FAHD1: variants seen among roughly 807,000 people sequenced by gnomAD.
The protein encoded by FAHD1 is FAH domain containing oxaloacetate decarboxylase 1.
In FAHD1, 14 loss-of-function variants were observed where a neutral mutation model predicts 12.7. The ratio of observed to expected loss-of-function variants is 1.10; its 90% CI spans 0.73 to 1.72. The LOEUF (loss-of-function observed/expected upper bound fraction) is 1.72, where lower values mean the gene tolerates loss of function less well. Among genes scored for constraint, FAHD1 ranks in the 40% most tolerant of loss-of-function variants. FAHD1 has a pLI of 0.00. For missense variants in FAHD1, 351 were observed against 298.9 expected, an observed-to-expected ratio of 1.17 and a Z score of -1.29; for synonymous variants, 153 against 124.9, an observed-to-expected ratio of 1.22 and a Z score of -1.50.
exon 3 of FAHD1, chr16:1,839,885 C>G (rs1898854988): frequency 1.3e-5 from 2 of 154,448 alleles, no homozygotes; most frequent in African/African-American, 4.8e-5. Flanking sequence ...CTGGAAAGCA[C>G]GAGTTCAACA....
At chr16:1,832,628 T>C (rs922762988), downstream of FAHD1, among the ~76,000 whole-genome samples, 2 of 152,038 alleles carry the variant, frequency 1.3e-5, no homozygotes. Flanking sequence ...CTCTACAAAA[T>C]GTTTTAAAAT....
rs532707731 is a variant in FAHD1, at chr16:1,836,605, T to C, written c.628-1411T>C. The stretch of plus-strand genomic sequence containing the variant: ...GCCTCAAGCCGAGGTCCTAGAAATA[T>C]TGCTAAGGCCACTGGAGACTCCATG... On this transcript the variant is annotated intron_variant, in intron 1 of 2. Transcript: ENST00000382666. Among the ~76,000 whole-genome samples, 12 of 150,414 alleles carry C rather than the reference T, an allele frequency of 8.0e-5. No individual in the cohort carries two copies. The East Asian group carries it at 1.5e-3, about 19-fold the overall frequency.
intron 1 of FAHD1, chr16:1,834,516 G>A: frequency 1.9e-6 from 1 of 530,366 alleles, no homozygotes; most frequent in East Asian, 3.2e-5. Context: ...GCTGTAAGAT[G>A]ATGGGAAGAG....
At chr16:1,830,913 T>TACACACACACA (rs1567269113), downstream of FAHD1, among the ~76,000 whole-genome samples, 5 of 50,596 alleles carry the variant, frequency 9.9e-5, no homozygotes, top group South Asian at 7.3e-4. Flanking sequence ...CCTCTCTCTC[T>TACACACACACA]CTATACACAC....
At chr16:1,833,559 T>C (rs1596957392), downstream of FAHD1, among the ~76,000 whole-genome samples, 1 of 138,134 alleles carries the variant, frequency 7.2e-6, no homozygotes, top group Non-Finnish European at 1.6e-5. Context: ...AGGTACTTTT[T>C]TTTTTTTTTT....
At chr16:1,830,915 T>TCTACACACACACACACACACACACACAC (rs1326026830), downstream of FAHD1, among the ~76,000 whole-genome samples, 11 of 37,566 alleles carry the variant, frequency 2.9e-4, no homozygotes, top group African/African-American at 1.1e-3. Context: ...TCTCTCTCTC[T>TCTACACACACACACACACACACACACAC]ATACACACAC....
At chr16:1,838,679 C>T (rs1337801654) in intron 2 of FAHD1, among the ~76,000 whole-genome samples, 1 of 151,936 alleles carries the variant, frequency 6.6e-6, no homozygotes, top group Non-Finnish European at 1.5e-5. Flanking sequence ...CATCATGTTT[C>T]CTTAGTGTTT....
chr16:1,827,528 G>C lies in FAHD1; in HGVS notation c.290G>C (p.Cys97Ser), dbSNP rs369492494. 33 of 1,613,204 alleles carry C rather than the reference G, an allele frequency of 2.0e-5. 1 individual carries two copies. Among genetic ancestry groups the C allele is most frequent in the East Asian group, 4.5e-5 (2 of 44,880 alleles). ...GACTACGTGGGCGGCTATGCCCTGT[G>C]CCTGGATATGACCGCCCGGGACGTG... Residue 97 changes from cysteine (C) to serine (S), a missense_variant, in exon 1 of 1, where the codon TGC becomes TCC. Physicochemically the swap from Cys to Ser is moderately radical, Grantham distance 112. Coordinates refer to ENST00000427358, the Ensembl canonical transcript of FAHD1.
exon 1 of FAHD1, chr16:1,828,336 C>T: frequency 2.1e-6 from 2 of 965,304 alleles, no homozygotes; most frequent in Non-Finnish European, 2.5e-6. Context: ...TATGCCTCAA[C>T]TCATAGAAGA....
chr16:1,833,144 C>G (rs71385719), downstream of FAHD1, among the ~76,000 whole-genome samples: 687 of 152,278 alleles, frequency 4.5e-3, 2 homozygotes, highest in Non-Finnish European at 8.5e-3. Flanking sequence ...GAGTCTGCGC[C>G]CTGAAGCAAG....
intron 2 of FAHD1, chr16:1,839,152 G>C: frequency 7.4e-7 from 1 of 1,345,698 alleles, no homozygotes; most frequent in Non-Finnish European, 9.9e-7. Flanking sequence ...GTTTATTAGT[G>C]AATCAATTTC....
chr16:1,834,449 A>T (rs1898685427), intron 1 of FAHD1: 1 of 721,388 alleles, frequency 1.4e-6, no homozygotes, highest in African/African-American at 1.8e-5. Flanking sequence ...AATGATCACG[A>T]ATAGAGAACT....
At chr16:1,828,025 T>C in exon 1 of FAHD1, 3 of 1,480,002 alleles carry the variant, frequency 2.0e-6, no homozygotes, top group Non-Finnish European at 2.7e-6. Context: ...CTCACGCCTG[T>C]AATCGCAGCA....
chr16:1,837,272 C>A (rs58359138), intron 1 of FAHD1, among the ~76,000 whole-genome samples: 1 of 151,416 alleles, frequency 6.6e-6, no homozygotes, highest in Admixed American at 6.6e-5. Context: ...TCTGTCTCCC[C>A]GCAACAACCC....
chr16:1,837,692 T>C (rs1306833461), intron 1 of FAHD1: 12 of 669,356 alleles, frequency 1.8e-5, no homozygotes, highest in Non-Finnish European at 2.4e-5. Context: ...TTAGAAATAA[T>C]AAATTCTCGA....
chr16:1,829,844 C>T (rs1174836077), downstream of FAHD1, among the ~76,000 whole-genome samples: 1 of 151,578 alleles, frequency 6.6e-6, no homozygotes, highest in Non-Finnish European at 1.5e-5. Flanking sequence ...TCATACCATA[C>T]AATTTTCTTT....
At chr16:1,834,594 T>C (rs1166375531) in intron 1 of FAHD1, among the ~76,000 whole-genome samples, 1 of 152,224 alleles carries the variant, frequency 6.6e-6, no homozygotes. Flanking sequence ...ATTTTGTCAC[T>C]TTTCATGCTA....
chr16:1,835,028 G>A (rs1293605379), intron 1 of FAHD1, among the ~76,000 whole-genome samples: 1 of 151,666 alleles, frequency 6.6e-6, no homozygotes, highest in Non-Finnish European at 1.5e-5. Flanking sequence ...GCCAAGGCAG[G>A]TAGATCACTT....
downstream of FAHD1, among the ~76,000 whole-genome samples, chr16:1,829,689 A>G (rs753039104): frequency 9.9e-5 from 15 of 152,176 alleles, no homozygotes; most frequent in Non-Finnish European, 2.1e-4. Context: ...AATGCATGTA[A>G]TTACAGAAGA....
Sources: gnomAD v4.1 joint callset for allele counts (sites outside exome capture counted in the v4.1 genomes callset) on GRCh38, gnomAD v4.1.1 for gene constraint, MANE v1.5 for transcripts, NCBI Gene and HGNC (gene_info 2026-07-23, HGNC 2026-07-21) for gene names.